The following MGAT4C variants were observed in gnomAD, a reference collection of about 807,000 sequenced individuals.
The protein encoded by MGAT4C is MGAT4 family member C, also known as alpha-1,3-mannosyl-glycoprotein 4-beta-N-acetylglucosaminyltransferase C.
Under a neutral mutation model 40.1 loss-of-function variants are expected in MGAT4C, and 19 were observed. That is an observed-to-expected ratio of 0.47 (90% confidence interval 0.33 to 0.70). The LOEUF (loss-of-function observed/expected upper bound fraction) is 0.70, where lower values mean the gene tolerates loss of function less well. Among genes scored for constraint, MGAT4C ranks in the 30% least tolerant of loss-of-function variants. The probability of loss-of-function intolerance (pLI) is 0.02; values close to 1 mark genes in which losing one functional copy is unlikely to be tolerated. For synonymous variants in MGAT4C, 181 were observed against 187.1 expected (o/e 0.97, Z 0.27); for missense variants, 491 against 563.2 (o/e 0.87, Z 1.30).
intron 2 of MGAT4C, among the ~76,000 whole-genome samples, chr12:86,476,059 C>T (rs1037730756): frequency 4.6e-5 from 7 of 151,988 alleles, no homozygotes; most frequent in South Asian, 2.1e-4. Context: ...CATGTGTGCA[C>T]GTGTGTCTGT....
In MGAT4C at chr12:86,531,492, G is replaced by T. The variant is rs1173465621; in HGVS notation, c.-228-96227C>A. Among the ~76,000 whole-genome samples, 7 of 152,124 alleles carry T rather than the reference G, an allele frequency of 4.6e-5. No homozygotes were observed. In the South Asian group the frequency reaches 1.0e-3, roughly 23 times the overall value. On this transcript the variant is annotated intron_variant, in intron 2 of 7. Transcript: ENST00000548651. ...CCATATTTGGTAAAGGGCTTCACTT[G>T]TTTACTGATTGCCCTTTCCTTCATT...
At chr12:86,525,250 G>C (rs1958861290) in intron 2 of MGAT4C, among the ~76,000 whole-genome samples, 1 of 152,132 alleles carries the variant, frequency 6.6e-6, no homozygotes, top group South Asian at 2.1e-4. Flanking sequence ...GTGTTTGGCA[G>C]TTTCCCTCCC....
chr12:86,700,082 G>A (rs1989078), intron 2 of MGAT4C, among the ~76,000 whole-genome samples: 51 of 34,026 alleles, frequency 1.5e-3, no homozygotes, highest in Middle Eastern at 0.032. Context: ...GATAGATAAT[G>A]TAGATAGATG....
intron 3 of MGAT4C, among the ~76,000 whole-genome samples, chr12:86,363,433 A>G (rs2136204325): frequency 6.6e-6 from 1 of 152,282 alleles, no homozygotes; most frequent in East Asian, 1.9e-4. Context: ...TAAAAATGCA[A>G]CATAAAATGT....
At chr12:86,776,794 C>T (rs1951755852) in intron 1 of MGAT4C, among the ~76,000 whole-genome samples, 1 of 152,122 alleles carries the variant, frequency 6.6e-6, no homozygotes, top group African/African-American at 2.4e-5. Context: ...ACTTCCTTCT[C>T]ACACTTTGAA....
intron 1 of MGAT4C, among the ~76,000 whole-genome samples, chr12:86,798,231 T>G (rs1005983002): frequency 6.6e-6 from 1 of 151,990 alleles, no homozygotes; most frequent in Non-Finnish European, 1.5e-5. Flanking sequence ...ACTGCTTACA[T>G]TCACCATAAT....
chr12:85,964,785 G>A lies in MGAT4C; in HGVS notation c.*14504C>T, dbSNP rs1294342276. The A allele has an allele frequency of 6.6e-6, 1 of 152,078 alleles. No homozygotes were observed. Among genetic ancestry groups the A allele is most frequent in the Non-Finnish European group, 1.5e-5 (1 of 68,006 alleles). 9.4% of individuals were successfully genotyped at this position (152,078 alleles called of 1,614,324 possible). ...TTTCCTACAGAGTCTGCCATATGGAGAAGTAGAATGAGAGGCCACCTAGGT... is the reference window on the plus strand; with the variant it reads ...TTTCCTACAGAGTCTGCCATATGGAAAAGTAGAATGAGAGGCCACCTAGGT... On this transcript the variant is annotated 3_prime_UTR_variant, in exon 5 of 5. Transcript: ENST00000611864.
chr12:86,050,313 G>C (rs185855572), intron 1 of MGAT4C, among the ~76,000 whole-genome samples: 28 of 152,058 alleles, frequency 1.8e-4, no homozygotes, highest in Middle Eastern at 6.8e-3. Flanking sequence ...GTTAACAAGG[G>C]TATTCAGAAG....
chr12:86,315,017 G>GA (rs34195872), intron 4 of MGAT4C, among the ~76,000 whole-genome samples: 92,961 of 150,578 alleles, frequency 0.62, 29,592 homozygotes, highest in South Asian at 0.71. Context: ...ATATAGAACT[G>GA]AAAAAAAACA....
At chr12:86,809,226 T>C (rs78042172) in intron 1 of MGAT4C, among the ~76,000 whole-genome samples, 4,915 of 152,162 alleles carry the variant, frequency 0.032, 117 homozygotes, top group Non-Finnish European at 0.051. Context: ...ATCTGAGTTA[T>C]TGAATGTGTA....
At chr12:86,821,511 T>A (rs1456125198) in intron 1 of MGAT4C, among the ~76,000 whole-genome samples, 1 of 150,902 alleles carries the variant, frequency 6.6e-6, no homozygotes, top group African/African-American at 2.4e-5. Flanking sequence ...AGGAACATTT[T>A]AATTCCACTC....
chr12:86,137,029 C>T (rs372465780), intron 1 of MGAT4C, among the ~76,000 whole-genome samples: 5 of 152,048 alleles, frequency 3.3e-5, no homozygotes, highest in East Asian at 3.9e-4. Context: ...TTATTATATG[C>T]GAAATCCTAT....
At position 85,978,647 on chromosome 12, in the gene MGAT4C, G is replaced by A. The variant is rs1265957444; in HGVS notation, c.*642C>T. 6.6e-6 allele frequency: 1 copy of A among 151,290 alleles called. No homozygotes were observed. The highest frequency in any genetic ancestry group is 2.1e-4 in the South Asian group (1 of 4,798). 9.4% of individuals were successfully genotyped at this position (151,290 alleles called of 1,614,324 possible). A position where few individuals can be genotyped will look rare whatever the true frequency, so the allele number is the denominator to read the frequency against. ...CCCAGAAAATTTATCAACAATAGGT[G>A]CTCAATTAAATGTTTTTAAACAATG... On this transcript the variant is annotated 3_prime_UTR_variant, in exon 5 of 5. Transcript: ENST00000611864.
intron 1 of MGAT4C, among the ~76,000 whole-genome samples, chr12:86,076,152 C>A (rs1869658650): frequency 6.6e-6 from 1 of 152,160 alleles, no homozygotes; most frequent in African/African-American, 2.4e-5. Context: ...TACCCTAAAT[C>A]ATCTCTCTGA....
intron 2 of MGAT4C, among the ~76,000 whole-genome samples, chr12:86,536,170 T>G (rs958849730): frequency 1.3e-5 from 2 of 152,158 alleles, no homozygotes; most frequent in African/African-American, 4.8e-5. Context: ...TTTTCATTAT[T>G]ATAACCTCAT....
In MGAT4C at chr12:85,970,031, T is replaced by C. The variant is rs1035950300; in HGVS notation, c.*9258A>G. 1 of 151,342 alleles carries C rather than the reference T, an allele frequency of 6.6e-6. No homozygotes were observed. The highest frequency in any genetic ancestry group is 1.5e-5 in the Non-Finnish European group (1 of 67,434). 9.4% of individuals were successfully genotyped at this position (151,342 alleles called of 1,614,324 possible). A position where few individuals can be genotyped will look rare whatever the true frequency, so the allele number is the denominator to read the frequency against. On this transcript the variant is annotated 3_prime_UTR_variant, in exon 5 of 5. Coordinates refer to ENST00000611864, the MANE Select transcript of MGAT4C (RefSeq NM_001351288.2). ...GAAGTTATTTGTTATATTTGTTTCG[T>C]TTCCTTATTGCCCTAGATGCCTTTT...
At chr12:86,793,773 T>C (rs981068322) in intron 1 of MGAT4C, among the ~76,000 whole-genome samples, 9 of 152,054 alleles carry the variant, frequency 5.9e-5, no homozygotes, top group Admixed American at 5.2e-4. Flanking sequence ...TTGTGAACAA[T>C]AAATGATTAG....
intron 2 of MGAT4C, among the ~76,000 whole-genome samples, chr12:86,635,920 G>C (rs1963206241): frequency 6.6e-6 from 1 of 151,768 alleles, no homozygotes; most frequent in African/African-American, 2.4e-5. Flanking sequence ...GGGCTCAAGA[G>C]ATCTTCCTGC....
chr12:85,982,450 A>G (rs1884710626), intron 4 of MGAT4C, among the ~76,000 whole-genome samples: 1 of 152,216 alleles, frequency 6.6e-6, no homozygotes, highest in African/African-American at 2.4e-5. Flanking sequence ...TGGCCTCCCA[A>G]AGTGCTGGGA....
Sources: allele counts gnomAD v4.1 joint callset (sites outside exome capture counted in the v4.1 genomes callset), GRCh38; gene constraint gnomAD v4.1.1; transcripts MANE v1.5; gene names NCBI Gene and HGNC (gene_info 2026-07-23, HGNC 2026-07-21).